The following SNTG1 variants were observed in gnomAD, a reference collection of about 807,000 sequenced individuals.
SNTG1 encodes syntrophin gamma 1.
In SNTG1, 39 loss-of-function variants were observed where a neutral mutation model predicts 74.7. The ratio of observed to expected loss-of-function variants is 0.52; its 90% confidence interval spans 0.40 to 0.68. SNTG1 has a LOEUF of 0.68. Ranked by LOEUF, SNTG1 falls within the 30% of genes least tolerant of loss-of-function variation. SNTG1 has a pLI of 0.00. For synonymous variants in SNTG1, 254 were observed against 217.1 expected, an observed-to-expected ratio of 1.17 and a Z score of -1.49; for missense variants, 685 against 609.5, an observed-to-expected ratio of 1.12 and a Z score of -1.30.
At chr8:50,593,521 A>C (rs1204940695) in intron 13 of SNTG1, among the ~76,000 whole-genome samples, 2 of 152,060 alleles carry the variant, frequency 1.3e-5, no homozygotes, top group African/African-American at 4.8e-5. Context: ...AAAAAACCAA[A>C]CAGGAGTTCA....
intron 18 of SNTG1, among the ~76,000 whole-genome samples, chr8:50,766,742 T>C (rs779379394): frequency 7.2e-5 from 11 of 151,930 alleles, no homozygotes; most frequent in Non-Finnish European, 1.6e-4. Flanking sequence ...ATTGGAAGAT[T>C]TTACTTATCT....
chr8:50,558,445 GCA>G (rs1407586400), intron 12 of SNTG1, among the ~76,000 whole-genome samples: 1 of 152,182 alleles, frequency 6.6e-6, no homozygotes, highest in African/African-American at 2.4e-5. Context: ...GATAAAGGAA[GCA>G]AGAAAAAGAA....
intron 1 of SNTG1, chr8:50,163,504 G>A (rs1395467146): frequency 7.2e-6 from 1 of 139,534 alleles, no homozygotes; most frequent in Non-Finnish European, 1.5e-5. Context: ...TTTAGACGGA[G>A]TCTTGCTCTG....
chr8:50,450,478 C>T (rs2093445585), intron 6 of SNTG1, 78 bp from the exon 7 acceptor site: 4 of 1,439,524 alleles, frequency 2.8e-6, no homozygotes, highest in South Asian at 2.4e-5. Flanking sequence ...TAAATTTTAC[C>T]TTTATTTAAT....
chr8:50,624,584 G>C (rs1245646123), intron 13 of SNTG1, among the ~76,000 whole-genome samples: 1 of 151,994 alleles, frequency 6.6e-6, no homozygotes, highest in Non-Finnish European at 1.5e-5. Flanking sequence ...AAATATAATG[G>C]TTTTGATTTA....
In SNTG1 at chr8:50,553,003, G is replaced by A. The variant is rs377574381; in HGVS notation, c.681-47G>A. The A allele has an allele frequency of 1.3e-5, 21 of 1,607,830 alleles. 1 individual carries two copies. The South Asian group carries it at 1.4e-4, about 11-fold the overall frequency. On this transcript the variant is annotated intron_variant, in intron 11 of 18. Coordinates refer to ENST00000642720, the MANE Select transcript of SNTG1 (RefSeq NM_018967.5). Reference sequence around the variant, plus strand: ...CAGATACTATTACGAGCTGCAAATAGATCAATGACATGAGGTTTTGATCTG... The same window carrying A: ...CAGATACTATTACGAGCTGCAAATAAATCAATGACATGAGGTTTTGATCTG...
intron 13 of SNTG1, among the ~76,000 whole-genome samples, chr8:50,628,947 A>G (rs558583384): frequency 6.6e-6 from 1 of 152,246 alleles, no homozygotes; most frequent in Non-Finnish European, 1.5e-5. Context: ...CCCAGTGGTA[A>G]TCCATGGTCT....
intron 1 of SNTG1, among the ~76,000 whole-genome samples, chr8:50,081,386 G>C (rs1822392858): frequency 6.6e-6 from 1 of 152,030 alleles, no homozygotes; most frequent in African/African-American, 2.4e-5. Context: ...ACTATGTGTA[G>C]ATGTGTTATC....
chr8:50,366,971 G>T (rs1214204689), intron 2 of SNTG1, among the ~76,000 whole-genome samples: 1 of 148,698 alleles, frequency 6.7e-6, no homozygotes, highest in East Asian at 2.0e-4. Context: ...AAATAGTAAG[G>T]AGTAGTAAAA....
In SNTG1 at chr8:50,694,888, TA is replaced by T. The variant is rs201393443; in HGVS notation, c.1039-9700del. On this transcript the variant is annotated intron_variant, in intron 15 of 18. Transcript: ENST00000642720. ...ACAAAATTCAACATTCTTTTATAATTAAAAAAAAAAAACTCCCAACAGATTA... is the reference window on the plus strand; with the variant it reads ...ACAAAATTCAACATTCTTTTATAATTAAAAAAAAAAACTCCCAACAGATTA... 6.3e-3 allele frequency among the ~76,000 whole-genome samples: 897 copies of T among 142,500 alleles called. 10 individuals carry two copies. Among genetic ancestry groups the T allele is most frequent in the African/African-American group, 0.017 (665 of 39,644 alleles). 93.5% of individuals were successfully genotyped at this position (142,500 alleles called of 152,430 possible). A position where few individuals can be genotyped will look rare whatever the true frequency, so the allele number is the denominator to read the frequency against.
intron 2 of SNTG1, among the ~76,000 whole-genome samples, chr8:50,247,647 C>T (rs973853316): frequency 7.9e-5 from 12 of 151,476 alleles, no homozygotes; most frequent in Admixed American, 2.0e-4. Context: ...CCAGGACTAA[C>T]GGTGCATTCC....
chr8:50,390,024 T>G (rs926660488), intron 2 of SNTG1, among the ~76,000 whole-genome samples: 1 of 152,124 alleles, frequency 6.6e-6, no homozygotes, highest in African/African-American at 2.4e-5. Context: ...TTTCTCCCAT[T>G]CTCTAGGTTG....
intron 15 of SNTG1, 92 bp from the exon 16 acceptor site, chr8:50,704,508 T>C: frequency 2.0e-6 from 3 of 1,515,252 alleles, no homozygotes; most frequent in Non-Finnish European, 2.7e-6. Flanking sequence ...TCTTTTTACC[T>C]GTGGCTTCTG....
intron 11 of SNTG1, among the ~76,000 whole-genome samples, chr8:50,546,044 A>G (rs1326575731): frequency 1.3e-5 from 2 of 152,144 alleles, no homozygotes; most frequent in African/African-American, 4.8e-5. Flanking sequence ...GTGAAGCAGA[A>G]AAAAGTAGGT....
intron 1 of SNTG1, among the ~76,000 whole-genome samples, chr8:49,913,295 G>A (rs751965030): frequency 1.3e-5 from 2 of 152,186 alleles, no homozygotes; most frequent in African/African-American, 4.8e-5. Context: ...CTACCCCTTT[G>A]AAAAATTACA....
intron 18 of SNTG1, among the ~76,000 whole-genome samples, chr8:50,784,165 A>G (rs185148548): frequency 5.5e-4 from 84 of 152,266 alleles, no homozygotes; most frequent in Non-Finnish European, 8.1e-4. Flanking sequence ...GGGTGGAGTT[A>G]TCTCATTAAC....
At chr8:50,584,412 T>A (rs1420096445) in intron 12 of SNTG1, among the ~76,000 whole-genome samples, 1 of 151,956 alleles carries the variant, frequency 6.6e-6, no homozygotes, top group Non-Finnish European at 1.5e-5. Flanking sequence ...TGTCTCCACA[T>A]CCTCTCCAGC....
rs545372495 is a variant in SNTG1, at chr8:49,936,949, G to T, written c.-103+24718G>T. ...AGATCATCTGAGGTCAGGAGTTCCAGACCAGCCTGGTCAACATGGTAAAAC... is the reference window on the plus strand; with the variant it reads ...AGATCATCTGAGGTCAGGAGTTCCATACCAGCCTGGTCAACATGGTAAAAC... On this transcript the variant is annotated intron_variant, in intron 1 of 18. Coordinates refer to ENST00000642720, the MANE Select transcript of SNTG1 (RefSeq NM_018967.5). Among the ~76,000 whole-genome samples, 11 of 152,270 alleles carry T rather than the reference G, an allele frequency of 7.2e-5. No homozygotes were observed. In the South Asian group the frequency reaches 2.3e-3, roughly 32 times the overall value.
rs577259021 is a variant in SNTG1, at chr8:50,339,855, A to T, written c.-27-54357A>T. Among the ~76,000 whole-genome samples the T allele has an allele frequency of 1.5e-4, 23 of 152,108 alleles. No individual in the cohort carries two copies. The South Asian group carries it at 4.8e-3, about 31-fold the overall frequency. ...AAATATACTCATTAAAATGCTCTAA[A>T]TATATCCATTAAAAGACAGACTTTC... On this transcript the variant is annotated intron_variant, in intron 2 of 18. Transcript: ENST00000642720.
Sources: allele counts gnomAD v4.1 joint callset (sites outside exome capture counted in the v4.1 genomes callset), GRCh38; gene constraint gnomAD v4.1.1; transcripts MANE v1.5; gene names NCBI Gene and HGNC (gene_info 2026-07-23, HGNC 2026-07-21).